Variants in KIF16B observed in about 807,000 individuals in gnomAD.
KIF16B encodes the protein kinesin-like protein KIF16B.
KIF16B carries 98 observed loss-of-function variants against 156.3 expected under a neutral mutation model. The observed-to-expected ratio is 0.63, with a 90% confidence interval of 0.53 to 0.74. The LOEUF is 0.74. KIF16B is among the 30% of genes least tolerant of loss of function. The pLI, the probability that KIF16B is intolerant of heterozygous loss-of-function variation, is 0.00. For missense variants in KIF16B, 1,421 were observed against 1,606.5 expected, an observed-to-expected ratio of 0.88 and a Z score of 1.97; for synonymous variants, 564 against 583.7, an observed-to-expected ratio of 0.97 and a Z score of 0.49.
At chr20:16,423,454 T>C (rs1340932187) in intron 15 of KIF16B, among the ~76,000 whole-genome samples, 6 of 152,138 alleles carry the variant, frequency 3.9e-5, no homozygotes, top group Non-Finnish European at 8.8e-5. Flanking sequence ...AGTTATGTTA[T>C]ATGGTGTGTA....
At chr20:16,487,476 T>A (rs1600522269) in intron 12 of KIF16B, among the ~76,000 whole-genome samples, 1 of 152,022 alleles carries the variant, frequency 6.6e-6, no homozygotes, top group Non-Finnish European at 1.5e-5. Context: ...ACACTCCCAA[T>A]ACACATCTTC....
intron 12 of KIF16B, among the ~76,000 whole-genome samples, chr20:16,448,033 C>T (rs924020342): frequency 6.6e-6 from 1 of 152,170 alleles, no homozygotes; most frequent in Non-Finnish European, 1.5e-5. Flanking sequence ...TCTATCTGTG[C>T]TTCTTCCTAC....
At chr20:16,405,036 T>C (rs982781315) in intron 16 of KIF16B, 135 bp from the exon 17 acceptor site, 3 of 652,408 alleles carry the variant, frequency 4.6e-6, no homozygotes, top group African/African-American at 3.6e-5. Flanking sequence ...AATTAACTGG[T>C]CTATCTGAGG....
rs191769859 is a variant in KIF16B at position 16,375,899 on chromosome 20, C to A, written c.3198-1490G>T. 1.2e-4 allele frequency among the ~76,000 whole-genome samples: 18 copies of A among 152,218 alleles called. No individual in the cohort carries two copies. The East Asian group carries it at 3.5e-3, about 29-fold the overall frequency. ...GGGACAAGCTGGCCTTCCCGTGTGG[C>A]AGATACATGGTCAGAAGACTAGAGG... is the stretch of plus-strand genomic sequence containing the variant. On this transcript the variant is annotated intron_variant, in intron 19 of 25. Coordinates refer to ENST00000354981, the MANE Select transcript of KIF16B (RefSeq NM_024704.5).
At chr20:16,395,888 G>A (rs556018714) in intron 17 of KIF16B, among the ~76,000 whole-genome samples, 1 of 152,062 alleles carries the variant, frequency 6.6e-6, no homozygotes, top group Non-Finnish European at 1.5e-5. Context: ...TCTATCAGTG[G>A]GAATGATGGT....
chr20:16,385,290 A>C (rs1444790085), intron 17 of KIF16B, among the ~76,000 whole-genome samples: 1 of 152,184 alleles, frequency 6.6e-6, no homozygotes, highest in African/African-American at 2.4e-5. Context: ...AAAGAAGTGA[A>C]GCTCTCTCCT....
intron 12 of KIF16B, among the ~76,000 whole-genome samples, chr20:16,430,425 T>C (rs78970712): frequency 0.046 from 7,074 of 152,140 alleles, 567 homozygotes; most frequent in African/African-American, 0.16. Flanking sequence ...AGGAACCTGG[T>C]CCTCTGCCTC....
chr20:16,345,346 T>C (rs1207622521), intron 23 of KIF16B, among the ~76,000 whole-genome samples: 2 of 152,204 alleles, frequency 1.3e-5, no homozygotes, highest in Non-Finnish European at 2.9e-5. Context: ...TGTTAAGCAA[T>C]AAAAGAAATA....
At chr20:16,509,588 C>A (rs1323912397) in intron 6 of KIF16B, among the ~76,000 whole-genome samples, 1 of 152,148 alleles carries the variant, frequency 6.6e-6, no homozygotes, top group Non-Finnish European at 1.5e-5. Flanking sequence ...TTCCTTCCTG[C>A]ATTTAAAAAT....
intron 1 of KIF16B, among the ~76,000 whole-genome samples, chr20:16,533,635 A>C (rs1321225970): frequency 6.6e-6 from 1 of 152,150 alleles, no homozygotes; most frequent in Admixed American, 6.5e-5. Context: ...CTATGCTCTT[A>C]AGTTGTAAGT....
chr20:16,350,225 G>A (rs1210112948), intron 23 of KIF16B, among the ~76,000 whole-genome samples: 1 of 152,136 alleles, frequency 6.6e-6, no homozygotes, highest in Non-Finnish European at 1.5e-5. Context: ...TCTCTAAGTG[G>A]ACAAAAGTGA....
chr20:16,490,510 C>A (rs899214687), intron 12 of KIF16B, among the ~76,000 whole-genome samples: 4 of 152,120 alleles, frequency 2.6e-5, no homozygotes, highest in Non-Finnish European at 5.9e-5. Flanking sequence ...CATTGCACTC[C>A]AGCCTGGGCA....
intron 24 of KIF16B, among the ~76,000 whole-genome samples, chr20:16,317,927 G>T (rs766917449): frequency 6.6e-6 from 1 of 152,216 alleles, no homozygotes; most frequent in Non-Finnish European, 1.5e-5. Flanking sequence ...ACAGAGGCAG[G>T]AGACGCCAGA....
At chr20:16,285,830 A>C (rs1319661755) in intron 25 of KIF16B, among the ~76,000 whole-genome samples, 1 of 152,110 alleles carries the variant, frequency 6.6e-6, no homozygotes, top group Non-Finnish European at 1.5e-5. Flanking sequence ...AAACAAAACA[A>C]AACAAACAAA....
At chr20:16,529,504 A>G (rs1055720563) in intron 1 of KIF16B, among the ~76,000 whole-genome samples, 1 of 152,198 alleles carries the variant, frequency 6.6e-6, no homozygotes, top group Non-Finnish European at 1.5e-5. Flanking sequence ...TTTAGTAATC[A>G]TATTTTTGGT....
chr20:16,291,228 G>T (rs1245014080), intron 25 of KIF16B, among the ~76,000 whole-genome samples: 1 of 152,194 alleles, frequency 6.6e-6, no homozygotes, highest in Non-Finnish European at 1.5e-5. Flanking sequence ...TGTAAGGGAA[G>T]TTTGTTAAAT....
intron 22 of KIF16B, among the ~76,000 whole-genome samples, chr20:16,359,929 G>C (rs2064519960): frequency 6.6e-6 from 1 of 152,052 alleles, no homozygotes; most frequent in East Asian, 1.9e-4. Context: ...ATCATACTGG[G>C]GATGAGAAAT....
chr20:16,440,140 G>T (rs116596913), intron 12 of KIF16B, among the ~76,000 whole-genome samples: 1,864 of 152,190 alleles, frequency 0.012, 32 homozygotes, highest in African/African-American at 0.03. Flanking sequence ...CAAAGAATAG[G>T]TCCAAGCCAA....
At chr20:16,447,980 G>A (rs1427209993) in intron 12 of KIF16B, among the ~76,000 whole-genome samples, 1 of 152,164 alleles carries the variant, frequency 6.6e-6, no homozygotes, top group African/African-American at 2.4e-5. Flanking sequence ...GGACAGGTGT[G>A]TGAAGTAAAA....
Sources: allele counts gnomAD v4.1 joint callset (sites outside exome capture counted in the v4.1 genomes callset), GRCh38; gene constraint gnomAD v4.1.1; transcripts MANE v1.5; gene names NCBI Gene and HGNC (gene_info 2026-07-23, HGNC 2026-07-21).